The following FAT2 variants were observed in gnomAD, a reference collection of about 807,000 sequenced individuals.
FAT2 encodes the protein FAT atypical cadherin 2, also known as protocadherin Fat 2.
In FAT2, 150 loss-of-function variants were observed where a neutral mutation model predicts 295.3. That is an observed-to-expected ratio of 0.51 (90% confidence interval 0.44 to 0.58). The LOEUF is 0.58. Ranked by LOEUF, FAT2 falls within the 20% of genes least tolerant of loss-of-function variation. The pLI, the probability that FAT2 is intolerant of heterozygous loss-of-function variation, is 0.00. For missense variants in FAT2, 4,868 were observed against 5,442.7 expected (o/e 0.89, Z 3.32); for synonymous variants, 2,026 against 2,150.3 (o/e 0.94, Z 1.60).
At chr5:151,584,751 T>A (rs1425948839) in intron 1 of FAT2, among the ~76,000 whole-genome samples, 1 of 152,212 alleles carries the variant, frequency 6.6e-6, no homozygotes, top group East Asian at 1.9e-4. Flanking sequence ...ACGTGCCTTG[T>A]CCAAGGTCAA....
In FAT2 at chr5:151,546,260, G is replaced by C. The variant is rs368717058; in HGVS notation, c.4867C>G (p.His1623Asp). ...TLAQKLDQAN[H>D]APHTLTVKAE... Reference sequence around the variant, plus strand: ...TTCACTGTCAGAGTATGTGGGGCATGATTTGCCTGATCAAGCTTTTGAGCT... The same window carrying C: ...TTCACTGTCAGAGTATGTGGGGCATCATTTGCCTGATCAAGCTTTTGAGCT... Residue 1623 changes from histidine to aspartate, a missense_variant, in exon 10 of 24, where the codon CAT becomes GAT. His to Asp is a moderately conservative substitution (Grantham distance 81). Coordinates refer to ENST00000261800, the MANE Select transcript of FAT2 (RefSeq NM_001447.3). 12 of 1,614,036 alleles carry C rather than the reference G, an allele frequency of 7.4e-6. No homozygotes were observed. Among genetic ancestry groups the C allele is most frequent in the Non-Finnish European group, 1.0e-5 (12 of 1,180,012 alleles).
At chr5:151,547,839 G>C (rs1470912085) in intron 9 of FAT2, among the ~76,000 whole-genome samples, 1 of 152,196 alleles carries the variant, frequency 6.6e-6, no homozygotes, top group Non-Finnish European at 1.5e-5. Context: ...GAAGATAAGA[G>C]GGAAAGACAG....
intron 18 of FAT2, among the ~76,000 whole-genome samples, chr5:151,523,934 C>T (rs1753742370): frequency 6.6e-6 from 1 of 152,182 alleles, no homozygotes; most frequent in Non-Finnish European, 1.5e-5. Flanking sequence ...TTAGAAATCA[C>T]CCCTGAATCG....
At chr5:151,552,079 G>A (rs182061080) in intron 6 of FAT2, among the ~76,000 whole-genome samples, 9 of 151,240 alleles carry the variant, frequency 6.0e-5, no homozygotes, top group Admixed American at 2.0e-4. Context: ...CTGATTGGTG[G>A]AACTTTAGGT....
chr5:151,521,915 G>C lies in FAT2; in HGVS notation c.10678C>G (p.Pro3560Ala), dbSNP rs200016147. 2.7e-5 allele frequency: 44 copies of C among 1,613,902 alleles called. No homozygotes were observed. The Admixed American group carries it at 3.2e-4, about 12-fold the overall frequency. Residue 3560 changes from proline (P) to alanine (A), a missense_variant, in exon 19 of 24, where the codon CCC (proline) becomes GCC (alanine). Physicochemically the swap from Pro to Ala is conservative, Grantham distance 27 (BLOSUM62 -1). Coordinates refer to ENST00000261800, the MANE Select transcript of FAT2 (RefSeq NM_001447.3). Reference protein sequence around the residue: ...VGKIHATDRDPQDTLTYSLAE... With the variant: ...VGKIHATDRDAQDTLTYSLAE... ...AGGCTATAGGTCAGCGTGTCCTGGG[G>C]GTCTCGGTCTGTGGCATGGATCTTA...
At chr5:151,513,633 C>T (rs146743761) in intron 20 of FAT2, among the ~76,000 whole-genome samples, 88 of 152,254 alleles carry the variant, frequency 5.8e-4, no homozygotes, top group African/African-American at 2.1e-3. Context: ...AAAAAACTAC[C>T]TATCAGGAAC....
chr5:151,587,429 G>A (rs541003368), intron 1 of FAT2, among the ~76,000 whole-genome samples: 1 of 152,112 alleles, frequency 6.6e-6, no homozygotes, highest in Non-Finnish European at 1.5e-5. Flanking sequence ...GTTCCTGCAC[G>A]CATCTGCTGT....
Position 151,505,548 on chromosome 5 carries a change from G to T in FAT2, c.*17C>A, listed in dbSNP as rs1451849876. ...CAGTCCTTGGCCTCCCGCCTGCCTT[G>T]CTCTGGGAATGGGAAGCTAGAACAT... On this transcript the variant is annotated 3_prime_UTR_variant, in exon 24 of 24. Coordinates refer to ENST00000261800, the MANE Select transcript of FAT2 (RefSeq NM_001447.3). 3.1e-6 allele frequency: 5 copies of T among 1,613,798 alleles called. No homozygotes were observed. In the African/African-American group the frequency reaches 6.7e-5, roughly 22 times the overall value.
chr5:151,520,469 T>C (rs1753330949), intron 19 of FAT2, among the ~76,000 whole-genome samples: 1 of 152,126 alleles, frequency 6.6e-6, no homozygotes. Context: ...GGTAGGGCTG[T>C]GGTGCCGATT....
rs1387762253 is a variant in FAT2 at position 151,568,154 on chromosome 5, C to G, written c.778G>C (p.Val260Leu). 1.2e-6 allele frequency: 2 copies of G among 1,614,060 alleles called. No homozygotes were observed. The highest frequency in any genetic ancestry group is 1.7e-6 in the Non-Finnish European group (2 of 1,180,028). ...LRKPPAIASV[V>L]VTPPDSNDGT... is the part of the protein sequence containing the mutation. ...TCATTGCTGTCTGGTGGAGTCACCA[C>G]CACCGAAGCAATGGCTGGGGGCTTC... is the stretch of plus-strand genomic sequence containing the variant. The change falls in exon 2 of 24, where the codon GTG becomes CTG. Residue 260 changes from valine to leucine, a missense_variant. Transcript: ENST00000261800.
chr5:151,563,728 C>G lies in FAT2; in HGVS notation c.3260-89G>C. 3.9e-6 allele frequency: 4 copies of G among 1,030,374 alleles called. No homozygotes were observed. In the Middle Eastern group the frequency reaches 8.3e-4, roughly 214 times the overall value. The allele number at this position is 1,030,374 out of a possible 1,614,324, so 63.8% of individuals were successfully genotyped here. On this transcript the variant is annotated intron_variant, in intron 2 of 23. Coordinates refer to ENST00000261800, the MANE Select transcript of FAT2 (RefSeq NM_001447.3). ...CTTACCCACCATTCCCCAAACCGCA[C>G]TGTGGAAAGGGTATTAATAAGTAGA...
In FAT2 at chr5:151,556,370, C is replaced by G; in HGVS notation, c.3607G>C (p.Glu1203Gln). The part of the protein sequence containing the change: ...LLSTAQQLDR[E>Q]NKDEHILEVT... ...TCCAGGATGTGTTCATCCTTGTTCT[C>G]TCTGTCCAGCTGCTGGGCTGTAGAT... The change falls in exon 4 of 24, where the codon GAG becomes CAG. Residue 1203 changes from glutamate (E) to glutamine (Q), a missense_variant. Physicochemically the swap from Glu to Gln is conservative, Grantham distance 29. Transcript: ENST00000261800. 6 of 1,613,746 alleles carry G rather than the reference C, an allele frequency of 3.7e-6. No individual in the cohort carries two copies. Among genetic ancestry groups the G allele is most frequent in the Admixed American group, 1.7e-5 (1 of 60,004 alleles).
At chr5:151,554,027 A>G (rs915499190) in intron 5 of FAT2, among the ~76,000 whole-genome samples, 1 of 152,264 alleles carries the variant, frequency 6.6e-6, no homozygotes, top group African/African-American at 2.4e-5. Flanking sequence ...GATAAAGGTT[A>G]AACGACTTGT....
Position 151,543,429 on chromosome 5 carries a change from T to C in FAT2, c.7698A>G (p.Val2566=). Residue 2566 remains valine (V), a synonymous_variant, in exon 10 of 24, where the codon GTA becomes GTG. Transcript: ENST00000261800. ...KVMARDGGGR[V]AFCTVKIILT... ...GGATGATCTTCACCGTGCAGAAGGC[T>C]ACTCTTCCTCCTCCATCCCGAGCCA... 1 of 1,614,176 alleles carries C rather than the reference T, an allele frequency of 6.2e-7. No homozygotes were observed. The highest frequency in any genetic ancestry group is 8.5e-7 in the Non-Finnish European group (1 of 1,180,014).
At chr5:151,519,381 C>T (rs1376240515) in intron 19 of FAT2, among the ~76,000 whole-genome samples, 1 of 152,122 alleles carries the variant, frequency 6.6e-6, no homozygotes, top group Non-Finnish European at 1.5e-5. Flanking sequence ...TCCAAAATTC[C>T]CTGACACTGG....
chr5:151,573,898 T>C (rs564286853), intron 1 of FAT2, among the ~76,000 whole-genome samples: 5 of 152,162 alleles, frequency 3.3e-5, no homozygotes, highest in Admixed American at 2.0e-4. Flanking sequence ...CGTGGAGGGC[T>C]CCTCATCACT....
rs752346747 is a variant in FAT2, at chr5:151,544,751, A to T, written c.6376T>A (p.Ser2126Thr). The T allele has an allele frequency of 1.2e-6, 2 of 1,614,060 alleles. No individual in the cohort carries two copies. ...FRIDPYLGDISLKKPFDYQAL... is the reference protein window; with the variant it reads ...FRIDPYLGDITLKKPFDYQAL... Reference sequence around the variant, plus strand: ...TGATAATCAAAGGGTTTCTTGAGTGATATGTCCCCAAGATAGGGGTCAATT... The same window carrying T: ...TGATAATCAAAGGGTTTCTTGAGTGTTATGTCCCCAAGATAGGGGTCAATT... The change falls in exon 10 of 24, where the codon TCA (serine) becomes ACA (threonine). Residue 2126 changes from serine (S) to threonine (T), a missense_variant. Ser to Thr is a moderately conservative substitution (Grantham distance 58). Coordinates refer to ENST00000261800, the MANE Select transcript of FAT2 (RefSeq NM_001447.3).
chr5:151,573,673 A>T (rs1341082613), intron 1 of FAT2, among the ~76,000 whole-genome samples: 1 of 152,096 alleles, frequency 6.6e-6, no homozygotes, highest in Non-Finnish European at 1.5e-5. Flanking sequence ...AAAACAAAAA[A>T]GACTTTCAGA....
At chr5:151,572,983 A>C in intron 1 of FAT2, among the ~76,000 whole-genome samples, 1 of 152,258 alleles carries the variant, frequency 6.6e-6, no homozygotes, top group Non-Finnish European at 1.5e-5. Flanking sequence ...GAGGGCACAC[A>C]TGCATACTCA....
Sources: gnomAD v4.1 joint callset for allele counts (sites outside exome capture counted in the v4.1 genomes callset) on GRCh38, gnomAD v4.1.1 for gene constraint, MANE v1.5 for transcripts, NCBI Gene and HGNC (gene_info 2026-07-23, HGNC 2026-07-21) for gene names.